Variants in ROBO2 observed in about 807,000 individuals in gnomAD.
The protein encoded by ROBO2 is roundabout homolog 2.
ROBO2 carries 53 observed loss-of-function variants against 160.8 expected under a neutral mutation model. The ratio of observed to expected loss-of-function variants is 0.33; its 90% CI spans 0.26 to 0.41. The LOEUF (loss-of-function observed/expected upper bound fraction) is 0.41, where lower values mean the gene tolerates loss of function less well. ROBO2 is among the 10% of genes least tolerant of loss of function. The probability of loss-of-function intolerance (pLI) is 1.00; values close to 1 mark genes in which losing one functional copy is unlikely to be tolerated. For missense variants in ROBO2, 1,577 were observed against 1,722.4 expected (o/e 0.92, Z 1.49); for synonymous variants, 664 against 611.7 (o/e 1.09, Z -1.26).
chr3:76,548,938 T>G (rs1250210209), intron 2 of ROBO2, among the ~76,000 whole-genome samples: 1 of 152,138 alleles, frequency 6.6e-6, no homozygotes, highest in African/African-American at 2.4e-5. Flanking sequence ...ATCCACAGTT[T>G]GTGCAATTCA....
At chr3:76,289,607 C>T (rs1006563344) in intron 2 of ROBO2, among the ~76,000 whole-genome samples, 2 of 151,916 alleles carry the variant, frequency 1.3e-5, no homozygotes, top group South Asian at 2.1e-4. Flanking sequence ...TTTCTTCTAG[C>T]GTTTTTATAG....
chr3:76,727,741 TG>T (rs1212482964), intron 2 of ROBO2, among the ~76,000 whole-genome samples: 3 of 151,934 alleles, frequency 2.0e-5, no homozygotes, highest in Admixed American at 2.0e-4. Context: ...GGCTAGGAAA[TG>T]TCAGGAAGGG....
intron 2 of ROBO2, among the ~76,000 whole-genome samples, chr3:77,294,887 C>T (rs1385142871): frequency 2.0e-5 from 3 of 147,832 alleles, no homozygotes; most frequent in Non-Finnish European, 4.5e-5. Flanking sequence ...GTAAAATTGA[C>T]AGTTAAACAG....
intron 2 of ROBO2, among the ~76,000 whole-genome samples, chr3:76,250,498 T>C (rs1705924757): frequency 6.6e-6 from 1 of 152,096 alleles, no homozygotes; most frequent in African/African-American, 2.4e-5. Context: ...GTTAATCGTT[T>C]TGCGTGTAGG....
intron 19 of ROBO2, among the ~76,000 whole-genome samples, chr3:77,598,502 T>TATAC (rs1225031739): frequency 1.5e-5 from 2 of 132,272 alleles, no homozygotes; most frequent in Admixed American, 8.7e-5. Context: ...TATATATATA[T>TATAC]ACGCACACAC....
intron 2 of ROBO2, among the ~76,000 whole-genome samples, chr3:77,398,694 A>C (rs909143297): frequency 6.6e-6 from 1 of 151,596 alleles, no homozygotes; most frequent in African/African-American, 2.4e-5. Flanking sequence ...TGATCCTTCC[A>C]TCTCATCCTC....
At chr3:76,054,719 T>C (rs891220395) in intron 2 of ROBO2, among the ~76,000 whole-genome samples, 1 of 152,206 alleles carries the variant, frequency 6.6e-6, no homozygotes. Context: ...AATAATTGTT[T>C]CAGAAATAAT....
exon 1 of ROBO2, chr3:75,906,754 TA>T (rs1359787049): frequency 6.6e-6 from 1 of 152,070 alleles, no homozygotes; most frequent in Admixed American, 6.6e-5. Flanking sequence ...GGGAGCGCGG[TA>T]GCTGCAGGCA....
intron 2 of ROBO2, among the ~76,000 whole-genome samples, chr3:77,139,978 AC>A (rs1194358629): frequency 2.6e-5 from 4 of 152,134 alleles, no homozygotes; most frequent in Admixed American, 2.6e-4. Context: ...GAAAGTCAAA[AC>A]CCTACTGCAA....
chr3:76,046,293 ACGAAGC>A (rs2067444524), intron 2 of ROBO2, among the ~76,000 whole-genome samples: 1 of 151,986 alleles, frequency 6.6e-6, no homozygotes, highest in Non-Finnish European at 1.5e-5. Flanking sequence ...CCTGGAGGAA[ACGAAGC>A]CATCCATTCT....
intron 2 of ROBO2, among the ~76,000 whole-genome samples, chr3:77,150,115 G>T (rs1336072082): frequency 6.6e-6 from 1 of 151,954 alleles, no homozygotes; most frequent in African/African-American, 2.4e-5. Context: ...CTCTAAATAG[G>T]GAACTCTAAT....
intron 2 of ROBO2, among the ~76,000 whole-genome samples, chr3:76,751,992 C>T (rs530973326): frequency 3.9e-5 from 6 of 152,160 alleles, no homozygotes; most frequent in South Asian, 2.1e-4. Flanking sequence ...CACATGCACA[C>T]GTATGTTTAT....
At chr3:77,260,834 C>T (rs559548437) in intron 2 of ROBO2, among the ~76,000 whole-genome samples, 8 of 152,222 alleles carry the variant, frequency 5.3e-5, no homozygotes, top group South Asian at 2.1e-4. Flanking sequence ...TTCACGGCCC[C>T]GACACTCGTT....
At chr3:77,504,054 T>G (rs1486414499) in intron 5 of ROBO2, among the ~76,000 whole-genome samples, 1 of 152,178 alleles carries the variant, frequency 6.6e-6, no homozygotes, top group Non-Finnish European at 1.5e-5. Flanking sequence ...TGGCGCTTCA[T>G]TTTAAAAGGC....
chr3:77,122,966 T>C (rs9819821), intron 2 of ROBO2, among the ~76,000 whole-genome samples: 2,941 of 152,270 alleles, frequency 0.019, 77 homozygotes, highest in African/African-American at 0.066. Flanking sequence ...GGGCTTTTTT[T>C]TTCAGGCTGC....
intron 2 of ROBO2, among the ~76,000 whole-genome samples, chr3:77,145,258 TA>T (rs34410971): frequency 6.6e-6 from 1 of 152,106 alleles, no homozygotes; most frequent in Non-Finnish European, 1.5e-5. Flanking sequence ...CTGTGAGCCT[TA>T]AAAAAGTATT....
At chr3:76,056,154 A>G (rs2067838643) in intron 2 of ROBO2, among the ~76,000 whole-genome samples, 1 of 152,230 alleles carries the variant, frequency 6.6e-6, no homozygotes, top group African/African-American at 2.4e-5. Context: ...CATTGTATTA[A>G]GTATTATAAC....
chr3:77,597,195 T>TG (rs2094325280), intron 19 of ROBO2, among the ~76,000 whole-genome samples: 1 of 152,108 alleles, frequency 6.6e-6, no homozygotes, highest in Non-Finnish European at 1.5e-5. Flanking sequence ...AGATGGTTCT[T>TG]GCCCTCATAT....
chr3:76,948,712 ATT>A (rs746075602), intron 2 of ROBO2, among the ~76,000 whole-genome samples: 2 of 135,688 alleles, frequency 1.5e-5, no homozygotes, highest in Admixed American at 1.5e-4. Context: ...TTATAATTTA[ATT>A]TTTTTTTTTT....
Sources: allele counts gnomAD v4.1 joint callset (sites outside exome capture counted in the v4.1 genomes callset), GRCh38; gene constraint gnomAD v4.1.1; transcripts MANE v1.5; gene names NCBI Gene and HGNC (gene_info 2026-07-23, HGNC 2026-07-21).